The following MED13L variants were observed in gnomAD, a reference collection of about 807,000 sequenced individuals.
MED13L encodes the protein mediator complex subunit 13L.
MED13L carries 7 observed loss-of-function variants against 220.9 expected under a neutral mutation model. The observed-to-expected ratio is 0.03, with a 90% CI of 0.02 to 0.06. The LOEUF (loss-of-function observed/expected upper bound fraction) is 0.06, where lower values mean the gene tolerates loss of function less well. Among genes scored for constraint, MED13L ranks in the 10% least tolerant of loss-of-function variants. MED13L has a pLI of 1.00. For missense variants in MED13L, 1,965 were observed against 2,760.5 expected (o/e 0.71, Z 6.46); for synonymous variants, 1,011 against 1,015.2 (o/e 1.00, Z 0.08).
intron 4 of MED13L, among the ~76,000 whole-genome samples, chr12:116,056,062 G>A (rs61939680): frequency 0.14 from 21,936 of 152,024 alleles, 1,834 homozygotes; most frequent in Middle Eastern, 0.21. Flanking sequence ...GATTTCATGG[G>A]TGGTTTAGTA....
chr12:116,054,427 T>C (rs1427435663), intron 4 of MED13L, among the ~76,000 whole-genome samples: 1 of 152,194 alleles, frequency 6.6e-6, no homozygotes, highest in Non-Finnish European at 1.5e-5. Flanking sequence ...GTGAGAACTC[T>C]GCCAAAGTTT....
At chr12:116,045,539 T>C (rs1881781378) in intron 4 of MED13L, among the ~76,000 whole-genome samples, 1 of 152,168 alleles carries the variant, frequency 6.6e-6, no homozygotes, top group South Asian at 2.1e-4. Flanking sequence ...ATTTAATCTA[T>C]GGACAGTCTG....
At chr12:116,249,103 T>C (rs1871303507) in intron 1 of MED13L, among the ~76,000 whole-genome samples, 2 of 152,132 alleles carry the variant, frequency 1.3e-5, no homozygotes, top group African/African-American at 4.8e-5. Flanking sequence ...AACAGTAAAA[T>C]TCAACAAGGT....
At chr12:116,132,209 G>A (rs549302507) in intron 2 of MED13L, among the ~76,000 whole-genome samples, 8 of 150,944 alleles carry the variant, frequency 5.3e-5, no homozygotes, top group African/African-American at 1.7e-4. Flanking sequence ...GAACCTGAGA[G>A]GCAGAGACTG....
chr12:116,024,396 T>C (rs1409206933), intron 4 of MED13L, among the ~76,000 whole-genome samples: 2 of 152,140 alleles, frequency 1.3e-5, no homozygotes, highest in African/African-American at 4.8e-5. Flanking sequence ...ATTTAGAATA[T>C]ACAAACAAAT....
chr12:116,146,032 G>T (rs537979052), intron 2 of MED13L, among the ~76,000 whole-genome samples: 1 of 152,162 alleles, frequency 6.6e-6, no homozygotes, highest in Non-Finnish European at 1.5e-5. Flanking sequence ...CACAGCCCGC[G>T]GGCCGCATGA....
At chr12:116,058,051 T>C (rs944987799) in intron 4 of MED13L, among the ~76,000 whole-genome samples, 1 of 152,218 alleles carries the variant, frequency 6.6e-6, no homozygotes, top group African/African-American at 2.4e-5. Context: ...TGGCAAGATG[T>C]ATAACAGAAA....
intron 2 of MED13L, among the ~76,000 whole-genome samples, chr12:116,114,503 A>T (rs1410871044): frequency 1.3e-5 from 2 of 152,166 alleles, no homozygotes; most frequent in Admixed American, 6.5e-5. Flanking sequence ...TCAAACAAAC[A>T]ACAACAAAAA....
At chr12:116,064,430 CCCA>C (rs1296714902) in intron 4 of MED13L, among the ~76,000 whole-genome samples, 2 of 152,076 alleles carry the variant, frequency 1.3e-5, no homozygotes, top group Non-Finnish European at 1.5e-5. Flanking sequence ...GGAGGCAGAA[CCCA>C]CCGATATGGA....
At chr12:116,006,206 A>C in intron 12 of MED13L, 100 bp downstream of exon 12, 1 of 1,277,110 alleles carries the variant, frequency 7.8e-7, no homozygotes, top group East Asian at 2.5e-5. Flanking sequence ...ATGAGATGAA[A>C]TTCTTATTAC....
intron 4 of MED13L, among the ~76,000 whole-genome samples, chr12:116,058,881 A>G (rs1425368543): frequency 6.6e-6 from 1 of 152,196 alleles, no homozygotes; most frequent in African/African-American, 2.4e-5. Flanking sequence ...ACGACTATAT[A>G]TGTAAAATAT....
At chr12:116,190,895 C>T (rs535834632) in intron 2 of MED13L, among the ~76,000 whole-genome samples, 1 of 152,042 alleles carries the variant, frequency 6.6e-6, no homozygotes, top group South Asian at 2.1e-4. Context: ...AGTTCGAGAC[C>T]AGCCTGAGCA....
chr12:116,154,114 A>T (rs1378552193), intron 2 of MED13L, among the ~76,000 whole-genome samples: 1 of 152,216 alleles, frequency 6.6e-6, no homozygotes, highest in Non-Finnish European at 1.5e-5. Flanking sequence ...ACTGATTTCC[A>T]TGTGTTAACT....
intron 1 of MED13L, among the ~76,000 whole-genome samples, chr12:116,262,337 C>G (rs1447950499): frequency 6.6e-6 from 1 of 152,056 alleles, no homozygotes; most frequent in Non-Finnish European, 1.5e-5. Flanking sequence ...TTACTTATTT[C>G]TATTTTCAAT....
chr12:116,019,708 A>T, intron 6 of MED13L, 70 bp downstream of exon 6: 1 of 1,502,584 alleles, frequency 6.7e-7, no homozygotes, highest in South Asian at 1.1e-5. Flanking sequence ...GAAGAATCTA[A>T]ATGATTATCT....
chr12:116,038,539 G>A (rs1411460814), intron 4 of MED13L, among the ~76,000 whole-genome samples: 1 of 152,008 alleles, frequency 6.6e-6, no homozygotes, highest in East Asian at 1.9e-4. Flanking sequence ...ACCCATGGGG[G>A]AGCAAGTGGC....
At chr12:116,255,321 A>G (rs1871944088) in intron 1 of MED13L, among the ~76,000 whole-genome samples, 1 of 152,218 alleles carries the variant, frequency 6.6e-6, no homozygotes, top group African/African-American at 2.4e-5. Context: ...TGCTAAACGT[A>G]TGCAAAACAA....
At chr12:116,077,003 G>A (rs1413862271) in intron 4 of MED13L, among the ~76,000 whole-genome samples, 1 of 152,150 alleles carries the variant, frequency 6.6e-6, no homozygotes, top group African/African-American at 2.4e-5. Context: ...TCCAGTCAGT[G>A]CAGTCTTTCC....
chr12:116,191,104 A>AG (rs1354559871), intron 2 of MED13L, among the ~76,000 whole-genome samples: 1 of 148,952 alleles, frequency 6.7e-6, no homozygotes, highest in African/African-American at 2.5e-5. Flanking sequence ...AAAAAAAAAA[A>AG]AAAGAAAAGA....
Sources: gnomAD v4.1 joint callset for allele counts (sites outside exome capture counted in the v4.1 genomes callset) on GRCh38, gnomAD v4.1.1 for gene constraint, MANE v1.5 for transcripts, NCBI Gene and HGNC (gene_info 2026-07-23, HGNC 2026-07-21) for gene names.